Variants in PKN2 observed in about 807,000 individuals in gnomAD.
The protein encoded by PKN2 is serine/threonine-protein kinase N2.
Under a neutral mutation model 119.1 loss-of-function variants are expected in PKN2, and 38 were observed. The ratio of observed to expected loss-of-function variants is 0.32; its 90% CI spans 0.25 to 0.42. The LOEUF is 0.42. Ranked by LOEUF, PKN2 falls within the 10% of genes least tolerant of loss-of-function variation. The pLI, the probability that PKN2 is intolerant of heterozygous loss-of-function variation, is 1.00. For synonymous variants in PKN2, 390 were observed against 384.9 expected (o/e 1.01, Z -0.15); for missense variants, 850 against 1,165.1 (o/e 0.73, Z 3.94).
At chr1:88,813,807 G>T in intron 16 of PKN2, 74 bp downstream of exon 16, 2 of 1,263,056 alleles carry the variant, frequency 1.6e-6, no homozygotes, top group South Asian at 2.9e-5. Flanking sequence ...GAGATTCTTT[G>T]AATTTTAGAT....
At chr1:88,798,434 A>G (rs1385787629) in intron 8 of PKN2, among the ~76,000 whole-genome samples, 1 of 152,116 alleles carries the variant, frequency 6.6e-6, no homozygotes, top group African/African-American at 2.4e-5. Context: ...TCAAATAATT[A>G]TGGGGGAAAC....
rs137937046 is a variant in PKN2, at chr1:88,709,624, C to G, written c.48+24996C>G. 4.0e-3 allele frequency among the ~76,000 whole-genome samples: 602 copies of G among 152,238 alleles called. 1 individual carries two copies. The highest frequency in any genetic ancestry group is 7.9e-3 in the Admixed American group (121 of 15,296). ...AGAGCCATATTAGGAACATATAGAT[C>G]ATTCTAAAAATGTCACTGAGTAAAA... On this transcript the variant is annotated intron_variant, in intron 1 of 21. Coordinates refer to ENST00000370521, the MANE Select transcript of PKN2 (RefSeq NM_006256.4).
chr1:88,809,447 A>C (rs1671690889), intron 15 of PKN2, among the ~76,000 whole-genome samples: 2 of 152,340 alleles, frequency 1.3e-5, no homozygotes, highest in South Asian at 4.1e-4. Context: ...ATTTTCTAAA[A>C]TAATAGGAAA....
At chr1:88,767,927 G>A (rs184856616) in intron 3 of PKN2, among the ~76,000 whole-genome samples, 64 of 152,210 alleles carry the variant, frequency 4.2e-4, no homozygotes, top group African/African-American at 1.2e-3. Context: ...GTCATCAAGC[G>A]TGTCTCTTGG....
chr1:88,807,273 G>T, intron 12 of PKN2, 40 bp from the exon 13 acceptor site: 1 of 1,284,334 alleles, frequency 7.8e-7, no homozygotes, highest in Non-Finnish European at 1.1e-6. Flanking sequence ...GTTGTTTTCT[G>T]GGTATTTCTA....
chr1:88,756,619 A>G (rs1306141280), intron 2 of PKN2, among the ~76,000 whole-genome samples: 3 of 152,220 alleles, frequency 2.0e-5, no homozygotes, highest in Non-Finnish European at 2.9e-5. Context: ...ACTATAAGCT[A>G]TCTTTATATA....
chr1:88,789,697 C>T (rs1489271684), intron 8 of PKN2, among the ~76,000 whole-genome samples: 1 of 143,812 alleles, frequency 7.0e-6, no homozygotes, highest in South Asian at 2.2e-4. Flanking sequence ...ATAATAACAA[C>T]AACAAAATAA....
At chr1:88,760,452 A>G in intron 3 of PKN2, 76 bp downstream of exon 3, 1 of 831,348 alleles carries the variant, frequency 1.2e-6, no homozygotes, top group East Asian at 2.9e-5. Flanking sequence ...TTACCTATTC[A>G]ATAAAATTTA....
chr1:88,712,257 C>A (rs1048309974), intron 1 of PKN2, among the ~76,000 whole-genome samples: 3 of 151,956 alleles, frequency 2.0e-5, no homozygotes, highest in Admixed American at 1.3e-4. Context: ...TCACCACTGA[C>A]TAGAATAGGA....
At chr1:88,719,632 G>A (rs1407390485) in intron 1 of PKN2, among the ~76,000 whole-genome samples, 1 of 152,034 alleles carries the variant, frequency 6.6e-6, no homozygotes, top group African/African-American at 2.4e-5. Flanking sequence ...ATGCTACTGT[G>A]TTTTCTATTG....
Position 88,805,486 on chromosome 1 carries a change from A to T in PKN2, c.1502-11A>T. On this transcript the variant is annotated splice_polypyrimidine_tract_variant and intron_variant, in intron 10 of 21. Transcript: ENST00000370521. ...ATTACTTGCTGTTTTTGTTTTTTTC[A>T]ACATCTACAGGCAAAACATTTCTCA... 1 of 1,558,344 alleles carries T rather than the reference A, an allele frequency of 6.4e-7. No individual in the cohort carries two copies. The highest frequency in any genetic ancestry group is 2.0e-5 in the Admixed American group (1 of 49,050).
At chr1:88,827,188 A>G (rs146311354) in intron 18 of PKN2, among the ~76,000 whole-genome samples, 127 of 152,244 alleles carry the variant, frequency 8.3e-4, no homozygotes, top group Non-Finnish European at 1.5e-3. Context: ...AATATCTTCA[A>G]TATGTAGACT....
At chr1:88,828,997 CGACTTCCTCCA>C in intron 19 of PKN2, 1 of 638,656 alleles carries the variant, frequency 1.6e-6, no homozygotes, top group East Asian at 3.2e-5. Flanking sequence ...ATGTTACCTT[CGACTTCCTCCA>C]GACTTCCGTC....
At position 88,689,838 on chromosome 1, in the gene PKN2, G is replaced by T. The variant is rs771853051; in HGVS notation, c.48+5210G>T. The stretch of plus-strand genomic sequence containing the variant: ...AGAAAAGTGCAGTAGTATGGATTTA[G>T]TAATAGACAGTAATGAAGTATAGCA... On this transcript the variant is annotated intron_variant, in intron 1 of 21. Coordinates refer to ENST00000370521, the MANE Select transcript of PKN2 (RefSeq NM_006256.4). 2.6e-5 allele frequency among the ~76,000 whole-genome samples: 4 copies of T among 152,226 alleles called. 1 individual carries two copies. The South Asian group carries it at 8.3e-4, about 32-fold the overall frequency.
rs541682155 is a variant in PKN2, at chr1:88,778,145, T to C, written c.985+6266T>C. On this transcript the variant is annotated intron_variant, in intron 6 of 21. Transcript: ENST00000370521. ...CATGTATTGATAGATGGCTTATGTC[T>C]CCCTAAAATGTACAAAACCAAGCTG... Among the ~76,000 whole-genome samples the C allele has an allele frequency of 6.9e-4, 105 of 152,300 alleles. 2 individuals are homozygous for C. The South Asian group carries it at 0.022, about 31-fold the overall frequency.
chr1:88,813,591 A>G lies in PKN2; in HGVS notation c.2137A>G (p.Asn713Asp), dbSNP rs1450260161. Reference protein sequence around the residue: ...MCEKRIFETVNSVRHPFLVNL... With the variant: ...MCEKRIFETVDSVRHPFLVNL... ...TGAAAAAAGAATTTTTGAAACTGTG[A>G]ATAGTGTAAGGCATCCCTTTTTGGT... The change falls in exon 16 of 22, where the codon AAT becomes GAT. Residue 713 changes from asparagine to aspartate, a missense_variant. By Grantham distance (23) the Asn-to-Asp change is conservative. Around this residue, in one of 9 missense-constraint regions of PKN2, gnomAD observed 216 missense variants for 252.8 expected, o/e 0.85. Coordinates refer to ENST00000370521, the MANE Select transcript of PKN2 (RefSeq NM_006256.4). The G allele has an allele frequency of 6.2e-7, 1 of 1,600,280 alleles. No homozygotes were observed. The highest frequency in any genetic ancestry group is 2.3e-5 in the East Asian group (1 of 43,982).
At chr1:88,795,685 G>A (rs1443268383) in intron 8 of PKN2, among the ~76,000 whole-genome samples, 3 of 152,188 alleles carry the variant, frequency 2.0e-5, no homozygotes, top group Non-Finnish European at 4.4e-5. Context: ...AAGTGGTGGA[G>A]CCAGTAATCA....
chr1:88,786,356 T>G, intron 8 of PKN2, 143 bp downstream of exon 8: 1 of 547,362 alleles, frequency 1.8e-6, no homozygotes, highest in East Asian at 2.9e-5. Context: ...TCTTATTCAA[T>G]GAGTTATGCA....
chr1:88,783,112 C>T lies in PKN2; in HGVS notation c.986-1527C>T, dbSNP rs529376602. 1.8e-4 allele frequency among the ~76,000 whole-genome samples: 28 copies of T among 152,302 alleles called. No individual in the cohort carries two copies. In the South Asian group the frequency reaches 5.4e-3, roughly 29 times the overall value. On this transcript the variant is annotated intron_variant, in intron 6 of 21. Coordinates refer to ENST00000370521, the MANE Select transcript of PKN2 (RefSeq NM_006256.4). ...TGGTGGTAACAAACACTATTCCTAC[C>T]TATATGCACTGAGTATTGTTCTTTC...
Sources: allele counts gnomAD v4.1 joint callset (sites outside exome capture counted in the v4.1 genomes callset), GRCh38; gene constraint gnomAD v4.1.1; regional missense constraint gnomAD v4.1.1; transcripts MANE v1.5; gene names NCBI Gene and HGNC (gene_info 2026-07-23, HGNC 2026-07-21).